The following VRTN variants were observed in gnomAD, a reference collection of about 807,000 sequenced individuals.
VRTN encodes vertebrae development associated, also known as vertnin.
In VRTN, 5 loss-of-function variants were observed where a neutral mutation model predicts 18.2. The ratio of observed to expected loss-of-function variants is 0.27; its 90% CI spans 0.14 to 0.58. The LOEUF is 0.58. VRTN is among the 20% of genes least tolerant of loss of function. VRTN has a pLI of 0.91. For synonymous variants in VRTN, 381 were observed against 393.7 expected, an observed-to-expected ratio of 0.97 and a Z score of 0.38; for missense variants, 741 against 939.4, an observed-to-expected ratio of 0.79 and a Z score of 2.76.
chr14:74,327,090 C>G (rs2085492869), intron 1 of VRTN, among the ~76,000 whole-genome samples: 1 of 152,204 alleles, frequency 6.6e-6, no homozygotes, highest in Admixed American at 6.5e-5. Context: ...TCCCTATCTC[C>G]TTGGATTAGG....
Position 74,357,894 on chromosome 14 carries a change from A to ATGGAGGAGC in VRTN, c.1113_1121dup (p.Glu373_Glu375dup), listed in dbSNP as rs746913247. The ATGGAGGAGC allele has an allele frequency of 3.7e-6, 6 of 1,613,942 alleles. No individual in the cohort carries two copies. The African/African-American group carries it at 8.0e-5, about 22-fold the overall frequency. On this transcript the variant is annotated inframe_insertion, in exon 2 of 2. Coordinates refer to ENST00000256362, the MANE Select transcript of VRTN (RefSeq NM_018228.3). This position sits in a 1 kb window ranked among gnomAD's most constrained non-coding sequence, Gnocchi z 7.8. Reference sequence around the variant, plus strand: ...CTTGCCCCCCAGGGAGGTGCTGGGCATGGAGGAGCTAGAGAAGCTGCCGGA... The same window carrying ATGGAGGAGC: ...CTTGCCCCCCAGGGAGGTGCTGGGCATGGAGGAGCTGGAGGAGCTAGAGAAGCTGCCGGA...
At chr14:74,320,561 CTCTTTTTTTT>C (rs2085448820) in intron 1 of VRTN, among the ~76,000 whole-genome samples, 1 of 91,522 alleles carries the variant, frequency 1.1e-5, no homozygotes, top group African/African-American at 4.5e-5. Context: ...TGCGCCCGGC[CTCTTTTTTTT>C]TTTTTTTTTT....
rs1457886306 is a variant in VRTN at position 74,357,374 on chromosome 14, G to A, written c.591G>A (p.Lys197=). Residue 197 remains lysine (K), a synonymous_variant, in exon 2 of 2, where the codon AAG becomes AAA. Transcript: ENST00000256362. The surrounding 1 kb of genome is among the most constrained non-coding windows in gnomAD (Gnocchi z 7.8). ...CCATCTACCCCATGCGCAACCTCAA[G>A]ATCCGGCCCTACTTCAACCGTGTCA... is the stretch of plus-strand genomic sequence containing the variant. The part of the protein sequence containing the change: ...IYSIYPMRNL[K]IRPYFNRVIR... 3 of 1,613,744 alleles carry A rather than the reference G, an allele frequency of 1.9e-6. No homozygotes were observed. Among genetic ancestry groups the A allele is most frequent in the Non-Finnish European group, 2.5e-6 (3 of 1,180,022 alleles).
chr14:74,322,408 C>T (rs1161514555), intron 1 of VRTN, among the ~76,000 whole-genome samples: 3 of 152,148 alleles, frequency 2.0e-5, no homozygotes. Flanking sequence ...CCTCAGCCTC[C>T]CAAAATGTTG....
chr14:74,307,137 CTTTTTTTTTT>C (rs56345315), intron 1 of VRTN, among the ~76,000 whole-genome samples: 1 of 87,744 alleles, frequency 1.1e-5, no homozygotes, highest in South Asian at 4.5e-4. Context: ...TGTTGTGGCC[CTTTTTTTTTT>C]TTTTTTTTTT....
chr14:74,305,467 C>T (rs1053093277), intron 1 of VRTN: 3 of 201,408 alleles, frequency 1.5e-5, no homozygotes, highest in Admixed American at 4.9e-5. Context: ...CTTCTGGCAG[C>T]GGTTCTGACA....
chr14:74,314,455 G>A (rs2085407382), intron 1 of VRTN, among the ~76,000 whole-genome samples: 1 of 140,124 alleles, frequency 7.1e-6, no homozygotes, highest in Non-Finnish European at 1.5e-5. Flanking sequence ...GGAGTGCAGT[G>A]GCACAATCTC....
intron 1 of VRTN, among the ~76,000 whole-genome samples, chr14:74,326,975 C>G (rs1269532574): frequency 6.6e-6 from 1 of 152,100 alleles, no homozygotes; most frequent in Admixed American, 6.6e-5. Context: ...ACCCACCAAG[C>G]AGCAGCAATG....
chr14:74,308,640 A>G (rs951011388), intron 1 of VRTN, among the ~76,000 whole-genome samples: 33 of 150,998 alleles, frequency 2.2e-4, no homozygotes, highest in Non-Finnish European at 3.7e-4. Context: ...TCAGCCTCCT[A>G]TGTAGCTGGG....
At chr14:74,329,042 G>A (rs2085504711) in intron 1 of VRTN, among the ~76,000 whole-genome samples, 2 of 152,098 alleles carry the variant, frequency 1.3e-5, no homozygotes, top group African/African-American at 4.8e-5. Context: ...AGGCCGAGGA[G>A]GGCGGATCAC....
chr14:74,357,379 G>A lies in VRTN; in HGVS notation c.596G>A (p.Arg199Gln). The A allele has an allele frequency of 1.2e-6, 2 of 1,613,740 alleles. No individual in the cohort carries two copies. Among genetic ancestry groups the A allele is most frequent in the Non-Finnish European group, 1.7e-6 (2 of 1,180,020 alleles). ...TACCCCATGCGCAACCTCAAGATCC[G>A]GCCCTACTTCAACCGTGTCATCCGG... Reference protein sequence around the residue: ...SIYPMRNLKIRPYFNRVIRPR... With the variant: ...SIYPMRNLKIQPYFNRVIRPR... The change falls in exon 2 of 2, where the codon CGG (arginine) becomes CAG (glutamine). Residue 199 changes from arginine (R) to glutamine (Q), a missense_variant. Coordinates refer to ENST00000256362, the MANE Select transcript of VRTN (RefSeq NM_018228.3). The surrounding 1 kb of genome is among the most constrained non-coding windows in gnomAD (Gnocchi z 7.8).
chr14:74,350,761 T>C (rs2085678103), intron 1 of VRTN, among the ~76,000 whole-genome samples: 1 of 152,064 alleles, frequency 6.6e-6, no homozygotes, highest in Non-Finnish European at 1.5e-5. Flanking sequence ...ATAGCGTAGG[T>C]GTGATGGAAT....
chr14:74,333,394 G>A (rs1359767523), intron 1 of VRTN, among the ~76,000 whole-genome samples: 1 of 149,964 alleles, frequency 6.7e-6, no homozygotes, highest in African/African-American at 2.5e-5. Context: ...AAAAAAAGAG[G>A]TGGGAGGATC....
chr14:74,311,962 G>T (rs1019326710), intron 1 of VRTN, among the ~76,000 whole-genome samples: 1 of 151,424 alleles, frequency 6.6e-6, no homozygotes, highest in Admixed American at 6.6e-5. Flanking sequence ...TAGAGACAGG[G>T]TTTCACCATG....
intron 1 of VRTN, among the ~76,000 whole-genome samples, chr14:74,303,726 T>C (rs1296640243): frequency 6.6e-6 from 1 of 151,794 alleles, no homozygotes; most frequent in Non-Finnish European, 1.5e-5. Context: ...CTTCTCACTT[T>C]CCTCCAATCC....
chr14:74,344,577 C>CA (rs1368802166), upstream of VRTN, among the ~76,000 whole-genome samples: 1 of 150,452 alleles, frequency 6.6e-6, no homozygotes, highest in Non-Finnish European at 1.5e-5. Context: ...ACTAAAAATA[C>CA]AAAAAAATTA....
intron 1 of VRTN, among the ~76,000 whole-genome samples, chr14:74,317,297 G>C (rs1297234081): frequency 6.6e-6 from 1 of 152,158 alleles, no homozygotes; most frequent in Non-Finnish European, 1.5e-5. Flanking sequence ...CAGAGCTGTA[G>C]AGAAGTGGCT....
intron 1 of VRTN, among the ~76,000 whole-genome samples, chr14:74,327,486 C>T (rs1245591455): frequency 6.6e-6 from 1 of 152,160 alleles, no homozygotes; most frequent in Non-Finnish European, 1.5e-5. Context: ...CCAGGCTCCC[C>T]TTCCTCCCAG....
chr14:74,350,542 A>C (rs750875312), intron 1 of VRTN, among the ~76,000 whole-genome samples: 2 of 152,154 alleles, frequency 1.3e-5, no homozygotes, highest in Non-Finnish European at 2.9e-5. Flanking sequence ...TAAAATGGCC[A>C]GGTTTGTCTT....
Sources: allele counts gnomAD v4.1 joint callset (sites outside exome capture counted in the v4.1 genomes callset), GRCh38; gene constraint gnomAD v4.1.1; non-coding constraint Gnocchi (gnomAD v3.1); transcripts MANE v1.5; gene names NCBI Gene and HGNC (gene_info 2026-07-23, HGNC 2026-07-21).